LRFN2: variants seen among roughly 807,000 people sequenced by gnomAD.
The protein encoded by LRFN2 is leucine-rich repeat and fibronectin type-III domain-containing protein 2.
Under a neutral mutation model 37.3 loss-of-function variants are expected in LRFN2, and 18 were observed. That is an observed-to-expected ratio of 0.48 (90% CI 0.33 to 0.72). LRFN2 has a LOEUF of 0.72. LRFN2 is among the 30% of genes least tolerant of loss of function. LRFN2 has a pLI of 0.02. For synonymous variants in LRFN2, 556 were observed against 466.6 expected (o/e 1.19, Z -2.47); for missense variants, 1,006 against 1,060.7 (o/e 0.95, Z 0.72).
chr6:40,471,132 CT>C (rs1444086925), intron 1 of LRFN2, among the ~76,000 whole-genome samples: 2 of 152,098 alleles, frequency 1.3e-5, no homozygotes, highest in Non-Finnish European at 2.9e-5. Context: ...CAATCCAAGG[CT>C]GCTGGCAGGG....
intron 1 of LRFN2, among the ~76,000 whole-genome samples, chr6:40,526,329 A>T (rs1287738113): frequency 6.6e-6 from 1 of 152,232 alleles, no homozygotes; most frequent in Non-Finnish European, 1.5e-5. Flanking sequence ...TGCCAAATTC[A>T]GTCTCTTCTA....
In LRFN2 at chr6:40,511,051, G is replaced by A. The variant is rs144258687; in HGVS notation, c.-19+75890C>T. On this transcript the variant is annotated intron_variant, in intron 1 of 2. Coordinates refer to ENST00000338305, the MANE Select transcript of LRFN2 (RefSeq NM_020737.3). The stretch of plus-strand genomic sequence containing the variant: ...GGGAGGGAGAGAGGTGAGACCATGG[G>A]GGAGAAGGCCAAAGGGAGCCTGGGG... Among the ~76,000 whole-genome samples the A allele has an allele frequency of 9.9e-3, 1,509 of 152,244 alleles. 13 individuals carry two copies. The highest frequency in any genetic ancestry group is 0.028 in the African/African-American group (1,157 of 41,542).
chr6:40,490,390 GAGA>G (rs978304075), intron 1 of LRFN2, among the ~76,000 whole-genome samples: 7 of 152,312 alleles, frequency 4.6e-5, no homozygotes, highest in East Asian at 1.9e-4. Flanking sequence ...GCCTGATGGA[GAGA>G]AGAAGGGCTG....
At chr6:40,565,954 C>A (rs1405408507) in intron 1 of LRFN2, among the ~76,000 whole-genome samples, 3 of 152,036 alleles carry the variant, frequency 2.0e-5, no homozygotes, top group Non-Finnish European at 4.4e-5. Context: ...AGGCAACCTA[C>A]AGAATGGGAG....
chr6:40,519,218 AG>A (rs771031868), intron 1 of LRFN2, among the ~76,000 whole-genome samples: 65 of 152,320 alleles, frequency 4.3e-4, no homozygotes, highest in Non-Finnish European at 8.2e-4. Context: ...ATATGTGCTG[AG>A]GGAGTGAATG....
intron 1 of LRFN2, among the ~76,000 whole-genome samples, chr6:40,473,387 C>T (rs796466687): frequency 6.6e-6 from 1 of 152,318 alleles, no homozygotes; most frequent in African/African-American, 2.4e-5. Context: ...TCCAGCCCAG[C>T]CATCTTCTAG....
intron 1 of LRFN2, among the ~76,000 whole-genome samples, chr6:40,444,702 TG>T (rs1763925350): frequency 1.3e-5 from 2 of 152,078 alleles, no homozygotes; most frequent in South Asian, 2.1e-4. Context: ...TTAAGCTGGG[TG>T]GGGGTCATCA....
chr6:40,460,314 C>T (rs550643361), intron 1 of LRFN2, among the ~76,000 whole-genome samples: 7 of 152,328 alleles, frequency 4.6e-5, no homozygotes, highest in Admixed American at 4.6e-4. Flanking sequence ...GCTGTAGACT[C>T]TTCCCCAGTC....
At chr6:40,517,203 C>A in intron 1 of LRFN2, 1 of 152,280 alleles carries the variant, frequency 6.6e-6, no homozygotes. Flanking sequence ...CCTGAAATCC[C>A]AACCTACATC....
intron 1 of LRFN2, among the ~76,000 whole-genome samples, chr6:40,509,509 T>A (rs12663856): frequency 0.088 from 13,404 of 152,180 alleles, 1,269 homozygotes; most frequent in African/African-American, 0.23. Context: ...GCTGTGCAGG[T>A]AAGGGGTGAG....
intron 1 of LRFN2, among the ~76,000 whole-genome samples, chr6:40,482,770 T>C (rs1260534023): frequency 6.6e-6 from 1 of 152,102 alleles, no homozygotes; most frequent in Non-Finnish European, 1.5e-5. Flanking sequence ...CTCCCCCTCC[T>C]GGCCAGGCCA....
intron 1 of LRFN2, among the ~76,000 whole-genome samples, chr6:40,533,374 AACAC>A (rs58462773): frequency 0.067 from 9,527 of 142,964 alleles, 337 homozygotes; most frequent in South Asian, 0.11. Context: ...TCTTGCTCAA[AACAC>A]ACACACACAC....
At chr6:40,528,368 A>G (rs1406195070) in intron 1 of LRFN2, among the ~76,000 whole-genome samples, 1 of 152,184 alleles carries the variant, frequency 6.6e-6, no homozygotes, top group African/African-American at 2.4e-5. Flanking sequence ...GAGTCGCTCA[A>G]TGAGAGGCAC....
At chr6:40,410,343 A>T (rs1561842786) in intron 2 of LRFN2, among the ~76,000 whole-genome samples, 1 of 151,954 alleles carries the variant, frequency 6.6e-6, no homozygotes, top group African/African-American at 2.4e-5. Flanking sequence ...AGCACGGGGG[A>T]GGCAGGAGGA....
intron 1 of LRFN2, among the ~76,000 whole-genome samples, chr6:40,514,085 T>C (rs1281976392): frequency 6.6e-6 from 1 of 151,536 alleles, no homozygotes; most frequent in Non-Finnish European, 1.5e-5. Context: ...AGATGTGACA[T>C]AATCCTGTTT....
At chr6:40,467,791 G>C (rs1307248455) in intron 1 of LRFN2, among the ~76,000 whole-genome samples, 1 of 152,078 alleles carries the variant, frequency 6.6e-6, no homozygotes, top group African/African-American at 2.4e-5. Context: ...TTACTCAACG[G>C]AGAGAAACAG....
chr6:40,492,909 A>G lies in LRFN2; in HGVS notation c.-18-59778T>C, dbSNP rs564350299. On this transcript the variant is annotated intron_variant, in intron 1 of 2. Transcript: ENST00000338305. ...CTGGGGGAGCTTCCATTCTAGCAGT[A>G]GTGTGGTTGGTGGACACTAACAAGA... 2.6e-3 allele frequency among the ~76,000 whole-genome samples: 403 copies of G among 152,238 alleles called. 1 individual carries two copies. Among genetic ancestry groups the G allele is most frequent in the African/African-American group, 9.5e-3 (394 of 41,532 alleles).
intron 1 of LRFN2, among the ~76,000 whole-genome samples, chr6:40,579,539 C>CT (rs1767354385): frequency 3.3e-5 from 5 of 151,804 alleles, no homozygotes; most frequent in Non-Finnish European, 4.4e-5. Context: ...TCATCACCAC[C>CT]ATCAGCTTTA....
chr6:40,510,090 A>G (rs1429464009), intron 1 of LRFN2, among the ~76,000 whole-genome samples: 1 of 149,684 alleles, frequency 6.7e-6, no homozygotes, highest in African/African-American at 2.5e-5. Flanking sequence ...GCCACGGAAC[A>G]CTGGGTTGTT....
Sources: allele counts gnomAD v4.1 joint callset (sites outside exome capture counted in the v4.1 genomes callset), GRCh38; gene constraint gnomAD v4.1.1; transcripts MANE v1.5; gene names NCBI Gene and HGNC (gene_info 2026-07-23, HGNC 2026-07-21).